Variants in JMJD1C observed in about 807,000 individuals in gnomAD.
JMJD1C encodes the protein jumonji domain-containing protein 1C.
JMJD1C carries 31 observed loss-of-function variants against 245.3 expected under a neutral mutation model. The ratio of observed to expected loss-of-function variants is 0.13; its 90% CI spans 0.09 to 0.17. The LOEUF is 0.17. Ranked by LOEUF, JMJD1C falls within the 10% of genes least tolerant of loss-of-function variation. JMJD1C has a pLI of 1.00. For missense variants in JMJD1C, 2,691 were observed against 3,000.2 expected (o/e 0.90, Z 2.41); for synonymous variants, 1,057 against 1,017.4 (o/e 1.04, Z -0.74).
intron 1 of JMJD1C, among the ~76,000 whole-genome samples, chr10:63,414,136 G>A (rs1044433384): frequency 2.0e-5 from 3 of 151,812 alleles, no homozygotes; most frequent in Admixed American, 1.3e-4. Flanking sequence ...GCAGGTGTCC[G>A]CCAACACGCC....
In JMJD1C at chr10:63,347,122, G is replaced by A. The variant is rs533510696; in HGVS notation, c.333+33196C>T. On this transcript the variant is annotated intron_variant, in intron 2 of 25. Transcript: ENST00000399262. ...GTCTCACTCTGTCACCCAGGCTGGA[G>A]TAGTGTCATGATCTCAGCTCACTGC... is the stretch of plus-strand genomic sequence containing the variant. 9.6e-5 allele frequency among the ~76,000 whole-genome samples: 14 copies of A among 145,506 alleles called. No individual in the cohort carries two copies. In the South Asian group the frequency reaches 1.5e-3, roughly 16 times the overall value.
intron 2 of JMJD1C, among the ~76,000 whole-genome samples, chr10:63,338,518 C>T (rs1046959475): frequency 2.0e-5 from 3 of 151,922 alleles, no homozygotes; most frequent in Non-Finnish European, 4.4e-5. Context: ...GTAGGCACCG[C>T]TAAGATAGAC....
chr10:63,333,350 T>C (rs60150347), intron 2 of JMJD1C, among the ~76,000 whole-genome samples: 3,751 of 151,878 alleles, frequency 0.025, 157 homozygotes, highest in African/African-American at 0.085. Flanking sequence ...AACTTAGGAG[T>C]TGGAGAACAG....
At chr10:63,405,745 CCTGTG>C (rs1221191862) in intron 1 of JMJD1C, among the ~76,000 whole-genome samples, 2 of 152,134 alleles carry the variant, frequency 1.3e-5, no homozygotes, top group African/African-American at 4.8e-5. Flanking sequence ...GCAGACATTT[CCTGTG>C]AAAGTAGTAA....
At position 63,237,993 on chromosome 10, in the gene JMJD1C, A is replaced by AC. The variant is rs574121558; in HGVS notation, c.448-18011dup. 1.6e-3 allele frequency among the ~76,000 whole-genome samples: 214 copies of AC among 135,820 alleles called. 2 individuals are homozygous for AC. Among genetic ancestry groups the AC allele is most frequent in the Non-Finnish European group, 3.0e-3 (195 of 64,834 alleles). The allele number at this position is 135,820 out of a possible 152,430, so 89.1% of individuals were successfully genotyped here. The stretch of plus-strand genomic sequence containing the variant: ...AGACCAGCCTGGCCAACACAGTGAA[A>AC]CCCCGTCTCTACTAAAAAAAAAAAA... On this transcript the variant is annotated intron_variant, in intron 3 of 25. Coordinates refer to ENST00000399262, the MANE Select transcript of JMJD1C (RefSeq NM_032776.3).
Position 63,168,108 on chromosome 10 carries a change from G to C in JMJD1C, c.7560C>G (p.Val2520=). ...TCTTCAAGGCTCTCACCATTTCTTT[G>C]ACTGCATGATACAAAATATTTTTAA... ...LQVKNILYHA[V]KEMVRALKIH... is the part of the protein sequence containing the mutation. The change falls in exon 26 of 26, where the codon GTC becomes GTG. Residue 2520 remains valine, a synonymous_variant. Transcript: ENST00000399262. 6.2e-7 allele frequency: 1 copy of C among 1,604,446 alleles called. No individual in the cohort carries two copies. Among genetic ancestry groups the C allele is most frequent in the East Asian group, 2.2e-5 (1 of 44,760 alleles).
chr10:63,295,276 TTG>T (rs1859241203), intron 2 of JMJD1C, among the ~76,000 whole-genome samples: 1 of 151,386 alleles, frequency 6.6e-6, no homozygotes, highest in South Asian at 2.1e-4. Flanking sequence ...TTTTTTTTTT[TTG>T]GTAGAGACAG....
At chr10:63,425,938 T>C (rs116914623) in intron 1 of JMJD1C, among the ~76,000 whole-genome samples, 2,175 of 152,350 alleles carry the variant, frequency 0.014, 34 homozygotes, top group Non-Finnish European at 0.02. Context: ...AATGTCAATG[T>C]TTACTATGTA....
chr10:63,454,392 G>T (rs1045507014), intron 1 of JMJD1C, among the ~76,000 whole-genome samples: 2 of 151,792 alleles, frequency 1.3e-5, no homozygotes, highest in Non-Finnish European at 1.5e-5. Flanking sequence ...AGAGTAGCCG[G>T]GATTACAGGC....
intron 2 of JMJD1C, among the ~76,000 whole-genome samples, chr10:63,371,648 CAA>C (rs895606645): frequency 1.3e-5 from 2 of 150,516 alleles, no homozygotes; most frequent in Admixed American, 6.7e-5. Flanking sequence ...ATTAATGAAT[CAA>C]AGAGTATGAA....
intron 24 of JMJD1C, among the ~76,000 whole-genome samples, chr10:63,174,789 G>A (rs1372265787): frequency 1.3e-5 from 2 of 151,794 alleles, no homozygotes; most frequent in Non-Finnish European, 2.9e-5. Context: ...AGCCAAGATC[G>A]CGCCACTGAG....
intron 23 of JMJD1C, 36 bp downstream of exon 23, chr10:63,177,681 G>C (rs779575001): frequency 1.2e-6 from 2 of 1,606,706 alleles, no homozygotes; most frequent in African/African-American, 1.3e-5. Context: ...GTCCTTGCTT[G>C]AGGGGAAGAG....
intron 2 of JMJD1C, among the ~76,000 whole-genome samples, chr10:63,342,563 C>A (rs1943471778): frequency 6.6e-6 from 1 of 152,178 alleles, no homozygotes; most frequent in South Asian, 2.1e-4. Context: ...AACACAGCAT[C>A]AGAGGTGGAG....
chr10:63,498,945 G>A (rs1954448729), intron 1 of JMJD1C, among the ~76,000 whole-genome samples: 1 of 152,096 alleles, frequency 6.6e-6, no homozygotes, highest in African/African-American at 2.4e-5. Flanking sequence ...TTTGATTATT[G>A]TAGATTCTTC....
At chr10:63,323,492 C>T (rs1941151995) in intron 2 of JMJD1C, among the ~76,000 whole-genome samples, 2 of 152,116 alleles carry the variant, frequency 1.3e-5, no homozygotes, top group African/African-American at 2.4e-5. Flanking sequence ...TGTACTCCAC[C>T]CTGGGTGACA....
At chr10:63,489,002 C>T (rs1281019387) in intron 1 of JMJD1C, among the ~76,000 whole-genome samples, 1 of 152,198 alleles carries the variant, frequency 6.6e-6, no homozygotes, top group Non-Finnish European at 1.5e-5. Flanking sequence ...TTCCTATCAC[C>T]TCATGATGTC....
intron 2 of JMJD1C, among the ~76,000 whole-genome samples, chr10:63,280,891 C>T (rs1004421628): frequency 5.9e-5 from 9 of 151,830 alleles, no homozygotes; most frequent in South Asian, 2.1e-4. Context: ...TAGGCTGTCC[C>T]GCTTGACAGA....
At chr10:63,230,807 G>A (rs1369979470) in intron 3 of JMJD1C, among the ~76,000 whole-genome samples, 2 of 150,862 alleles carry the variant, frequency 1.3e-5, no homozygotes, top group Non-Finnish European at 3.0e-5. Context: ...AATAAAATTT[G>A]ACCACCACAT....
intron 10 of JMJD1C, chr10:63,204,138 G>T: frequency 1.1e-6 from 1 of 895,468 alleles, no homozygotes; most frequent in Non-Finnish European, 1.3e-6. Flanking sequence ...AAATATTTAA[G>T]AAAAAAAAAA....
Sources: gnomAD v4.1 joint callset for allele counts (sites outside exome capture counted in the v4.1 genomes callset) on GRCh38, gnomAD v4.1.1 for gene constraint, MANE v1.5 for transcripts, NCBI Gene and HGNC (gene_info 2026-07-23, HGNC 2026-07-21) for gene names.